Variants in CDC40 observed in about 807,000 individuals in gnomAD.
CDC40 encodes cell division cycle 40.
CDC40 carries 27 observed loss-of-function variants against 80.6 expected under a neutral mutation model. That is an observed-to-expected ratio of 0.33 (90% CI 0.25 to 0.46). The LOEUF (loss-of-function observed/expected upper bound fraction) is 0.46. Ranked by LOEUF, CDC40 falls within the 20% of genes least tolerant of loss-of-function variation. The pLI is 1.00. For synonymous variants in CDC40, 221 were observed against 232.6 expected (o/e 0.95, Z 0.45); for missense variants, 486 against 694.1 (o/e 0.70, Z 3.37).
At chr6:110,200,993 G>A (rs1777486498) in intron 2 of CDC40, among the ~76,000 whole-genome samples, 1 of 151,938 alleles carries the variant, frequency 6.6e-6, no homozygotes, top group Admixed American at 6.6e-5. Context: ...CTTTATTTTT[G>A]TTGTCTGTTT....
intron 1 of CDC40, among the ~76,000 whole-genome samples, chr6:110,188,731 G>A (rs1777306773): frequency 6.6e-6 from 1 of 152,122 alleles, no homozygotes; most frequent in Non-Finnish European, 1.5e-5. Flanking sequence ...GACTTAAACT[G>A]GCAATGATGG....
At chr6:110,193,523 G>A (rs1562200386) in intron 2 of CDC40, among the ~76,000 whole-genome samples, 3 of 151,894 alleles carry the variant, frequency 2.0e-5, no homozygotes, top group Non-Finnish European at 4.4e-5. Flanking sequence ...TCCTGCCTCA[G>A]CCTCCCGAGT....
At chr6:110,206,865 A>G (rs1777569816) in intron 3 of CDC40, among the ~76,000 whole-genome samples, 2 of 152,250 alleles carry the variant, frequency 1.3e-5, no homozygotes, top group African/African-American at 4.8e-5. Context: ...AGCTCTTAGA[A>G]TATTTAAAAC....
At chr6:110,214,356 A>C (rs1446257083) in intron 8 of CDC40, among the ~76,000 whole-genome samples, 1 of 152,224 alleles carries the variant, frequency 6.6e-6, no homozygotes, top group Non-Finnish European at 1.5e-5. Context: ...TAGGATGATC[A>C]TTTTATTATG....
intron 12 of CDC40, among the ~76,000 whole-genome samples, chr6:110,222,116 G>A (rs1234024154): frequency 6.6e-6 from 1 of 151,968 alleles, no homozygotes; most frequent in African/African-American, 2.4e-5. Context: ...ATTAGCTAGT[G>A]TGGTGGCACA....
intron 1 of CDC40, among the ~76,000 whole-genome samples, chr6:110,188,799 A>C (rs76587491): frequency 0.065 from 9,925 of 152,272 alleles, 403 homozygotes; most frequent in African/African-American, 0.12. Context: ...AGTGGTAGCC[A>C]TAGCAGTTTA....
intron 3 of CDC40, among the ~76,000 whole-genome samples, chr6:110,204,179 A>C (rs1022901462): frequency 1.3e-5 from 2 of 151,858 alleles, no homozygotes; most frequent in African/African-American, 4.8e-5. Context: ...ACGCCTGGCT[A>C]ATTTTTGTAT....
chr6:110,194,313 C>T (rs574266496), intron 2 of CDC40, among the ~76,000 whole-genome samples: 1 of 152,222 alleles, frequency 6.6e-6, no homozygotes, highest in Non-Finnish European at 1.5e-5. Context: ...AGGTGAGGAG[C>T]TATATCTTAT....
intron 1 of CDC40, among the ~76,000 whole-genome samples, chr6:110,189,796 C>A (rs1458954064): frequency 6.6e-6 from 1 of 152,178 alleles, no homozygotes; most frequent in Non-Finnish European, 1.5e-5. Context: ...CAACCTGACA[C>A]CCCATCTGTT....
At position 110,228,864 on chromosome 6, in the gene CDC40, C is replaced by A; in HGVS notation, c.1450C>A (p.Gln484Lys). 6.3e-7 allele frequency: 1 copy of A among 1,596,508 alleles called. No homozygotes were observed. Among genetic ancestry groups the A allele is most frequent in the Non-Finnish European group, 8.5e-7 (1 of 1,174,664 alleles). ...KWLACQSMDN[Q>K]ILIFGAQNRF... ...GCTAGCATGCCAATCAATGGACAAC[C>A]AAATCTTAATTTTTGGAGCACAGAA... is the stretch of plus-strand genomic sequence containing the variant. The change falls in exon 14 of 15, where the codon CAA (glutamine) becomes AAA (lysine). Residue 484 changes from glutamine to lysine, a missense_variant. Physicochemically the swap from Gln to Lys is moderately conservative, Grantham distance 53. Coordinates refer to ENST00000307731, the MANE Select transcript of CDC40 (RefSeq NM_015891.3).
At chr6:110,188,902 A>T (rs1469252641) in intron 1 of CDC40, among the ~76,000 whole-genome samples, 1 of 152,194 alleles carries the variant, frequency 6.6e-6, no homozygotes, top group Non-Finnish European at 1.5e-5. Flanking sequence ...TTAAGTGTAT[A>T]CTGACCCTTT....
At chr6:110,205,672 A>G (rs1230626730) in intron 3 of CDC40, among the ~76,000 whole-genome samples, 2 of 151,910 alleles carry the variant, frequency 1.3e-5, no homozygotes, top group Admixed American at 6.6e-5. Context: ...CTCTCTGTCT[A>G]CTCCTTCACC....
At chr6:110,220,916 A>G (rs1168582750) in intron 12 of CDC40, among the ~76,000 whole-genome samples, 4 of 152,136 alleles carry the variant, frequency 2.6e-5, no homozygotes, top group Non-Finnish European at 4.4e-5. Context: ...CCCACAATAC[A>G]TGGGAATTAT....
intron 13 of CDC40, 45 bp downstream of exon 13, chr6:110,226,288 A>C (rs368428029): frequency 1.7e-6 from 2 of 1,211,636 alleles, no homozygotes; most frequent in African/African-American, 3.0e-5. Context: ...CTTCTAAGAT[A>C]CAGTGTGATT....
chr6:110,210,552 GAA>G (rs57785109), intron 5 of CDC40, among the ~76,000 whole-genome samples, 153 bp from the exon 6 acceptor site: 136 of 64,488 alleles, frequency 2.1e-3, no homozygotes, highest in African/African-American at 5.9e-3. Context: ...ACTCATCTCA[GAA>G]AAAAAAAAAA....
chr6:110,216,700 C>G (rs1777703861), intron 9 of CDC40, among the ~76,000 whole-genome samples: 1 of 152,116 alleles, frequency 6.6e-6, no homozygotes, highest in Non-Finnish European at 1.5e-5. Flanking sequence ...CAATTTGTGC[C>G]ATGCTCATTT....
At chr6:110,226,143 T>C (rs766674144) in intron 12 of CDC40, 24 bp from the exon 13 acceptor site, 4 of 1,395,486 alleles carry the variant, frequency 2.9e-6, no homozygotes, top group Admixed American at 3.4e-5. Context: ...TTGCTTATTC[T>C]GATATGCTAT....
intron 2 of CDC40, among the ~76,000 whole-genome samples, chr6:110,194,781 A>T (rs948800416): frequency 3.3e-5 from 5 of 152,200 alleles, no homozygotes; most frequent in Non-Finnish European, 7.3e-5. Flanking sequence ...AAGCATTCTG[A>T]TATGTAACAT....
At chr6:110,221,230 GTCC>G (rs1399629693) in intron 12 of CDC40, among the ~76,000 whole-genome samples, 12 of 152,318 alleles carry the variant, frequency 7.9e-5, no homozygotes, top group Admixed American at 2.6e-4. Flanking sequence ...TCAACCATGA[GTCC>G]TCCTAGCAAA....
Sources: allele counts gnomAD v4.1 joint callset (sites outside exome capture counted in the v4.1 genomes callset), GRCh38; gene constraint gnomAD v4.1.1; transcripts MANE v1.5; gene names NCBI Gene and HGNC (gene_info 2026-07-23, HGNC 2026-07-21).